The following C10orf90 variants were observed in gnomAD, a reference collection of about 807,000 sequenced individuals.
C10orf90 encodes (E2-independent) E3 ubiquitin-conjugating enzyme FATS.
Under a neutral mutation model 62.5 loss-of-function variants are expected in C10orf90, and 56 were observed. That is an observed-to-expected ratio of 0.90 (90% confidence interval 0.72 to 1.12). The LOEUF is 1.12. C10orf90 is among the 50% of genes most tolerant of loss of function. The probability of loss-of-function intolerance (pLI) is 0.00; values close to 1 mark genes in which losing one functional copy is unlikely to be tolerated. For missense variants in C10orf90, 970 were observed against 880.4 expected, an observed-to-expected ratio of 1.10 and a Z score of -1.29; for synonymous variants, 386 against 340.4, an observed-to-expected ratio of 1.13 and a Z score of -1.47.
At chr10:126,639,353 T>C (rs1846015160) in intron 2 of C10orf90, among the ~76,000 whole-genome samples, 1 of 152,148 alleles carries the variant, frequency 6.6e-6, no homozygotes, top group Admixed American at 6.5e-5. Flanking sequence ...CTTAACGATA[T>C]CTCCCCAGGA....
At chr10:126,505,615 C>T (rs1293553023) in intron 3 of C10orf90, among the ~76,000 whole-genome samples, 1 of 152,296 alleles carries the variant, frequency 6.6e-6, no homozygotes, top group Admixed American at 6.5e-5. Context: ...TTGCTCCCTG[C>T]TGCTTGGCAT....
intron 2 of C10orf90, chr10:126,522,694 G>C (rs538877206): frequency 6.6e-6 from 1 of 152,364 alleles, no homozygotes; most frequent in Non-Finnish European, 1.5e-5. Context: ...TTACAGATGA[G>C]GAAGTTGAGC....
intron 2 of C10orf90, among the ~76,000 whole-genome samples, chr10:126,546,681 A>G (rs1864500400): frequency 6.6e-6 from 1 of 152,192 alleles, no homozygotes. Context: ...TGTCAACTGA[A>G]GCCTAGTGAG....
chr10:126,632,646 C>A (rs1308792707), intron 2 of C10orf90, among the ~76,000 whole-genome samples: 1 of 152,114 alleles, frequency 6.6e-6, no homozygotes, highest in South Asian at 2.1e-4. Context: ...GGCTCCAATT[C>A]TCTACAGCCC....
intron 2 of C10orf90, among the ~76,000 whole-genome samples, chr10:126,625,207 A>T (rs1384477852): frequency 6.6e-6 from 1 of 152,094 alleles, no homozygotes; most frequent in African/African-American, 2.4e-5. Flanking sequence ...GACCCCCTTC[A>T]ACAAATATGC....
At chr10:126,446,778 G>A (rs1302275511) in intron 7 of C10orf90, among the ~76,000 whole-genome samples, 1 of 152,122 alleles carries the variant, frequency 6.6e-6, no homozygotes, top group Non-Finnish European at 1.5e-5. Flanking sequence ...TATATCTCTA[G>A]TAGAAAGGTT....
In C10orf90 at chr10:126,548,665, G is replaced by A. The variant is rs73378927; in HGVS notation, c.314-34726C>T. ...CAGGCATGAGCCACTGCGCCCGGCC[G>A]CAAGATCCCATCTTTACCAAAAACT... On this transcript the variant is annotated intron_variant, in intron 2 of 9. Transcript: ENST00000488181. Among the ~76,000 whole-genome samples, 1,197 of 151,752 alleles carry A rather than the reference G, an allele frequency of 7.9e-3. 15 individuals are homozygous for A. Among genetic ancestry groups the A allele is most frequent in the African/African-American group, 0.028 (1,149 of 41,398 alleles).
intron 2 of C10orf90, chr10:126,522,652 A>G (rs954007603): frequency 2.0e-5 from 3 of 152,222 alleles, no homozygotes; most frequent in African/African-American, 7.2e-5. Context: ...GGAAGAAATG[A>G]CCTTGTGGAG....
intron 4 of C10orf90, among the ~76,000 whole-genome samples, chr10:126,480,086 T>A (rs1861092530): frequency 6.6e-6 from 1 of 152,246 alleles, no homozygotes; most frequent in African/African-American, 2.4e-5. Flanking sequence ...AAAATTTTAC[T>A]GGGAAGAATA....
intron 2 of C10orf90, among the ~76,000 whole-genome samples, chr10:126,613,793 C>T (rs1385800679): frequency 6.6e-6 from 1 of 152,194 alleles, no homozygotes; most frequent in African/African-American, 2.4e-5. Flanking sequence ...GAAACCCTTC[C>T]CTCTGGATTT....
At chr10:126,440,585 C>T (rs1013799820) in intron 7 of C10orf90, among the ~76,000 whole-genome samples, 13 of 152,134 alleles carry the variant, frequency 8.5e-5, no homozygotes, top group Non-Finnish European at 1.9e-4. Flanking sequence ...GGCCAACAAG[C>T]ACAAAAATAG....
At position 126,459,095 on chromosome 10, in the gene C10orf90, G is replaced by A; in HGVS notation, c.2133C>T (p.Ser711=). The A allele has an allele frequency of 1.2e-6, 2 of 1,614,036 alleles. No individual in the cohort carries two copies. Among genetic ancestry groups the A allele is most frequent in the East Asian group, 2.2e-5 (1 of 44,872 alleles). ...TCTTGCTGGTGCGGATGGGAAGGAGGCTCTGCTTCTGCCTCAGGTCCTCCT... is the reference window on the plus strand; with the variant it reads ...TCTTGCTGGTGCGGATGGGAAGGAGACTCTGCTTCTGCCTCAGGTCCTCCT... ...QRKEDLRQKQ[S]LLPIRTSKKQ... The change falls in exon 7 of 10, where the codon AGC becomes AGT. Residue 711 remains serine (S), a synonymous_variant. Transcript: ENST00000488181.
intron 2 of C10orf90, among the ~76,000 whole-genome samples, chr10:126,521,726 G>A (rs1246306850): frequency 6.6e-6 from 1 of 152,144 alleles, no homozygotes; most frequent in Non-Finnish European, 1.5e-5. Context: ...TTTTACAAAT[G>A]GTTTATGTAG....
chr10:126,518,397 C>G (rs1342777482), intron 2 of C10orf90, among the ~76,000 whole-genome samples: 3 of 152,164 alleles, frequency 2.0e-5, no homozygotes, highest in Non-Finnish European at 4.4e-5. Flanking sequence ...ACATCTTTTA[C>G]AGATGGTGAG....
intron 2 of C10orf90, among the ~76,000 whole-genome samples, chr10:126,593,695 T>G (rs1845026497): frequency 6.6e-6 from 1 of 152,132 alleles, no homozygotes; most frequent in South Asian, 2.1e-4. Flanking sequence ...GAACTCAAAG[T>G]TGCAGGAAAA....
chr10:126,571,098 C>T (rs1004230870), intron 2 of C10orf90, among the ~76,000 whole-genome samples: 9 of 152,182 alleles, frequency 5.9e-5, no homozygotes, highest in Admixed American at 3.3e-4. Flanking sequence ...GGTTTGGCAC[C>T]AGTTCCTTTT....
intron 2 of C10orf90, among the ~76,000 whole-genome samples, chr10:126,587,311 C>T (rs982205974): frequency 2.0e-5 from 3 of 152,198 alleles, no homozygotes; most frequent in East Asian, 1.9e-4. Flanking sequence ...GCTGCCATAA[C>T]GAAACACCAC....
chr10:126,437,002 T>C (rs972447965), intron 7 of C10orf90, among the ~76,000 whole-genome samples: 1 of 152,114 alleles, frequency 6.6e-6, no homozygotes, highest in African/African-American at 2.4e-5. Flanking sequence ...ATGAAGAAGC[T>C]AATGGCAATG....
Position 126,613,255 on chromosome 10 carries a change from T to C in C10orf90, c.313+33310A>G, listed in dbSNP as rs537602218. On this transcript the variant is annotated intron_variant, in intron 2 of 9. Transcript: ENST00000488181. The stretch of plus-strand genomic sequence containing the variant: ...GTTTTTGTTTTTTTGAGACAGGGTC[T>C]CCTCTGTCTCCTCTCTCCACCTAGG... 5.2e-4 allele frequency among the ~76,000 whole-genome samples: 79 copies of C among 152,250 alleles called. No individual in the cohort carries two copies. In the Middle Eastern group the frequency reaches 0.014, roughly 26 times the overall value.
Sources: allele counts gnomAD v4.1 joint callset (sites outside exome capture counted in the v4.1 genomes callset), GRCh38; gene constraint gnomAD v4.1.1; transcripts MANE v1.5; gene names NCBI Gene and HGNC (gene_info 2026-07-23, HGNC 2026-07-21).